The following MIER1 variants were observed in gnomAD, a reference collection of about 807,000 sequenced individuals.
The protein encoded by MIER1 is MIER1 transcriptional regulator.
In MIER1, 40 loss-of-function variants were observed where a neutral mutation model predicts 75.7. That is an observed-to-expected ratio of 0.53 (90% CI 0.41 to 0.69). The LOEUF (loss-of-function observed/expected upper bound fraction) is 0.69, where lower values mean the gene tolerates loss of function less well. MIER1 is among the 30% of genes least tolerant of loss of function. The probability of loss-of-function intolerance (pLI) is 0.00; values close to 1 mark genes in which losing one functional copy is unlikely to be tolerated. For missense variants in MIER1, 574 were observed against 680.2 expected (o/e 0.84, Z 1.74); for synonymous variants, 213 against 223.4 (o/e 0.95, Z 0.42).
chr1:66,948,344 A>G (rs761395125), intron 4 of MIER1: 10 of 517,020 alleles, frequency 1.9e-5, no homozygotes, highest in Non-Finnish European at 2.5e-5. Flanking sequence ...GAATGCTTAT[A>G]CTTTTATGGT....
At chr1:66,946,400 A>C (rs910290125) in intron 4 of MIER1, 105 bp downstream of exon 4, 2 of 1,418,586 alleles carry the variant, frequency 1.4e-6, no homozygotes, top group Non-Finnish European at 1.8e-6. Flanking sequence ...TGTGTTATAT[A>C]TTAATGACTG....
chr1:66,981,715 T>G, intron 12 of MIER1, 64 bp from the exon 13 acceptor site: 1 of 1,334,748 alleles, frequency 7.5e-7, no homozygotes, highest in Non-Finnish European at 1.0e-6. Context: ...CTTCTGAATT[T>G]AACCTCAACT....
At chr1:66,946,390 T>G in intron 4 of MIER1, 95 bp downstream of exon 4, 1 of 1,458,058 alleles carries the variant, frequency 6.9e-7, no homozygotes, top group Non-Finnish European at 9.0e-7. Flanking sequence ...GGAGAGAAAT[T>G]GTGTTATATA....
At chr1:66,937,306 T>C (rs941251918) in intron 2 of MIER1, among the ~76,000 whole-genome samples, 2 of 152,122 alleles carry the variant, frequency 1.3e-5, no homozygotes, top group African/African-American at 4.8e-5. Flanking sequence ...TAGCACTGGG[T>C]TGGGCATGGT....
Position 66,958,962 on chromosome 1 carries a change from C to T in MIER1, c.613C>T (p.Arg205Ter). Residue 205 changes from arginine to a stop codon, truncating the protein, a stop_gained, in exon 6 of 14, where the codon CGA becomes TGA. Coordinates refer to ENST00000401041, the MANE Select transcript of MIER1 (RefSeq NM_001077700.3). LOFTEE classifies it high-confidence loss of function. ...QDAQEIIRPRRCKYFDTNSEV... is the reference protein window; with the variant it reads ...QDAQEIIRPR The stretch of plus-strand genomic sequence containing the variant: ...TGCCCAGGAAATAATCCGCCCACGT[C>T]GATGTAAATATTTTGATACAAGTAA... 6.2e-7 allele frequency: 1 copy of T among 1,612,198 alleles called. No homozygotes were observed. Among genetic ancestry groups the T allele is most frequent in the Non-Finnish European group, 8.5e-7 (1 of 1,178,956 alleles).
chr1:66,960,562 C>T (rs1461289646), intron 7 of MIER1, among the ~76,000 whole-genome samples: 3 of 152,072 alleles, frequency 2.0e-5, no homozygotes, highest in Non-Finnish European at 2.9e-5. Context: ...CCTGTTGTCC[C>T]AGCTACTTGG....
chr1:66,976,405 A>C (rs561037158), intron 11 of MIER1, among the ~76,000 whole-genome samples, 190 bp from the exon 12 acceptor site: 60 of 152,348 alleles, frequency 3.9e-4, no homozygotes, highest in Admixed American at 1.3e-4. Context: ...CCTGTTGCCA[A>C]TATATTATTT....
At chr1:66,941,970 CAAAA>C (rs10627197) in intron 3 of MIER1, among the ~76,000 whole-genome samples, 1 of 130,428 alleles carries the variant, frequency 7.7e-6, no homozygotes, top group Non-Finnish European at 1.6e-5. Context: ...CTCCTTCTCT[CAAAA>C]AAAAAAAAAA....
intron 2 of MIER1, among the ~76,000 whole-genome samples, chr1:66,926,558 G>A (rs1228821170): frequency 1.3e-5 from 2 of 152,118 alleles, no homozygotes; most frequent in East Asian, 1.9e-4. Flanking sequence ...TGAAACTAAC[G>A]AAAGATGATG....
intron 12 of MIER1, 92 bp downstream of exon 12, chr1:66,976,814 C>A: frequency 9.1e-7 from 1 of 1,098,406 alleles, no homozygotes; most frequent in Non-Finnish European, 1.2e-6. Context: ...GATAATCTTG[C>A]TTTTATATAC....
intron 12 of MIER1, among the ~76,000 whole-genome samples, chr1:66,977,077 G>C (rs141408118): frequency 1.3e-5 from 2 of 151,592 alleles, no homozygotes; most frequent in East Asian, 3.9e-4. Context: ...CTTAAATTCA[G>C]TTCCATTCAG....
intron 7 of MIER1, among the ~76,000 whole-genome samples, 159 bp from the exon 8 acceptor site, chr1:66,962,929 C>T (rs1228408726): frequency 1.3e-5 from 2 of 152,018 alleles, no homozygotes; most frequent in Non-Finnish European, 2.9e-5. Flanking sequence ...CATTATTTGT[C>T]ATTCATCTTC....
At chr1:66,974,286 T>G (rs1347558280) in intron 11 of MIER1, among the ~76,000 whole-genome samples, 1 of 152,148 alleles carries the variant, frequency 6.6e-6, no homozygotes. Context: ...TAATGTTGTG[T>G]TCATATCATC....
In MIER1 at chr1:66,988,261, T is replaced by C. The variant is rs1667029433; in HGVS notation, c.*3361T>C. ...ACCTTTTATTCTAAAAATGACTCTC[T>C]TCTCTCAAAATGACTTTTTCTGTAT... is the stretch of plus-strand genomic sequence containing the variant. On this transcript the variant is annotated 3_prime_UTR_variant, in exon 14 of 14. Transcript: ENST00000401041. 1 of 152,348 alleles carries C rather than the reference T, an allele frequency of 6.6e-6. No individual in the cohort carries two copies. Among genetic ancestry groups the C allele is most frequent in the African/African-American group, 2.4e-5 (1 of 41,458 alleles). The allele number at this position is 152,348 out of a possible 1,614,324, so 9.4% of individuals were successfully genotyped here.
intron 4 of MIER1, among the ~76,000 whole-genome samples, chr1:66,950,171 C>T (rs1344688156): frequency 5.9e-5 from 9 of 152,048 alleles, no homozygotes; most frequent in African/African-American, 1.9e-4. Context: ...TGCAGTGGCA[C>T]GATCTCGGCT....
chr1:66,928,302 C>G (rs1460394342), intron 2 of MIER1, among the ~76,000 whole-genome samples: 1 of 152,072 alleles, frequency 6.6e-6, no homozygotes, highest in East Asian at 1.9e-4. Flanking sequence ...AGGATTCATT[C>G]AGTAGGTTAA....
intron 4 of MIER1, chr1:66,948,339 CT>C: frequency 1.8e-6 from 1 of 559,936 alleles, no homozygotes; most frequent in Non-Finnish European, 2.3e-6. Context: ...AAAATGAATG[CT>C]TATACTTTTA....
intron 4 of MIER1, 141 bp downstream of exon 4, chr1:66,946,436 G>C (rs115293462): frequency 2.2e-6 from 3 of 1,360,522 alleles, no homozygotes; most frequent in Non-Finnish European, 1.9e-6. Context: ...TCATAGGTGG[G>C]ATATTTAAAG....
At chr1:66,925,395 G>T in intron 1 of MIER1, 2 of 985,406 alleles carry the variant, frequency 2.0e-6, no homozygotes, top group Non-Finnish European at 2.4e-6. Flanking sequence ...AGTTCGCCTC[G>T]CCCCGTTCGC....
Sources: gnomAD v4.1 joint callset for allele counts (sites outside exome capture counted in the v4.1 genomes callset) on GRCh38, gnomAD v4.1.1 for gene constraint, MANE v1.5 for transcripts, NCBI Gene and HGNC (gene_info 2026-07-23, HGNC 2026-07-21) for gene names.